Variants in KIAA1328 observed in about 807,000 individuals in gnomAD.
KIAA1328 encodes the protein protein hinderin.
Under a neutral mutation model 68.1 loss-of-function variants are expected in KIAA1328, and 52 were observed. The ratio of observed to expected loss-of-function variants is 0.76; its 90% CI spans 0.61 to 0.96. The LOEUF (loss-of-function observed/expected upper bound fraction) is 0.96. Among genes scored for constraint, KIAA1328 ranks in the 40% least tolerant of loss-of-function variants. The probability of loss-of-function intolerance (pLI) is 0.00; values close to 1 mark genes in which losing one functional copy is unlikely to be tolerated. For missense variants in KIAA1328, 641 were observed against 677.6 expected (o/e 0.95, Z 0.60); for synonymous variants, 232 against 239.4 (o/e 0.97, Z 0.28).
At chr18:37,011,980 T>A (rs1032811862) in intron 6 of KIAA1328, among the ~76,000 whole-genome samples, 8 of 152,118 alleles carry the variant, frequency 5.3e-5, no homozygotes, top group African/African-American at 1.9e-4. Context: ...AAGGCCGCAT[T>A]TTTAGTAATA....
chr18:36,837,591 G>A (rs1400872778), intron 3 of KIAA1328, among the ~76,000 whole-genome samples: 2 of 151,966 alleles, frequency 1.3e-5, no homozygotes, highest in African/African-American at 4.8e-5. Context: ...AAATTTTGAT[G>A]AAGTTCAGTT....
At chr18:37,084,831 C>T (rs528953760) in intron 7 of KIAA1328, among the ~76,000 whole-genome samples, 14 of 152,214 alleles carry the variant, frequency 9.2e-5, no homozygotes, top group Non-Finnish European at 1.8e-4. Flanking sequence ...CCTTGATTCA[C>T]ATTGCCAAAC....
At chr18:36,971,407 A>G (rs1280775091) in intron 6 of KIAA1328, among the ~76,000 whole-genome samples, 1 of 152,196 alleles carries the variant, frequency 6.6e-6, no homozygotes, top group Non-Finnish European at 1.5e-5. Context: ...AGGTCAGTGG[A>G]TCACCTGAGG....
chr18:37,072,368 A>C (rs993136157), intron 7 of KIAA1328, among the ~76,000 whole-genome samples: 2 of 150,952 alleles, frequency 1.3e-5, no homozygotes, highest in African/African-American at 4.9e-5. Flanking sequence ...TTCCACAGTC[A>C]TTTGCACTAT....
intron 7 of KIAA1328, among the ~76,000 whole-genome samples, chr18:37,147,555 G>A (rs2058929690): frequency 6.6e-6 from 1 of 152,076 alleles, no homozygotes; most frequent in Non-Finnish European, 1.5e-5. Context: ...CTTTGTGAGG[G>A]CAGATCTCTG....
At chr18:36,856,303 C>G (rs530744156) in intron 4 of KIAA1328, among the ~76,000 whole-genome samples, 70 of 152,058 alleles carry the variant, frequency 4.6e-4, no homozygotes, top group African/African-American at 1.7e-3. Context: ...TTTGTGACTT[C>G]CATTATATGC....
At chr18:37,078,368 T>C (rs1416524431) in intron 7 of KIAA1328, among the ~76,000 whole-genome samples, 14 of 151,814 alleles carry the variant, frequency 9.2e-5, no homozygotes, top group Middle Eastern at 3.4e-3. Context: ...CCTAAAACCA[T>C]AAAAACCCTA....
chr18:36,860,588 A>G (rs1239019551), intron 4 of KIAA1328, among the ~76,000 whole-genome samples: 1 of 152,146 alleles, frequency 6.6e-6, no homozygotes, highest in Non-Finnish European at 1.5e-5. Flanking sequence ...GTTAGAACAC[A>G]TGAGCCACAT....
intron 4 of KIAA1328, among the ~76,000 whole-genome samples, chr18:36,855,316 T>C (rs1252265100): frequency 6.6e-6 from 1 of 152,202 alleles, no homozygotes; most frequent in Non-Finnish European, 1.5e-5. Flanking sequence ...TTGCCAACAC[T>C]TGTTATTTTC....
At chr18:36,848,737 T>A in intron 4 of KIAA1328, among the ~76,000 whole-genome samples, 1 of 151,250 alleles carries the variant, frequency 6.6e-6, no homozygotes, top group East Asian at 1.9e-4. Context: ...TTTTTGTTTC[T>A]AGTTTATTGA....
chr18:37,217,741 T>A (rs1172413359), intron 9 of KIAA1328, among the ~76,000 whole-genome samples: 2 of 152,264 alleles, frequency 1.3e-5, no homozygotes, highest in Non-Finnish European at 2.9e-5. Context: ...GAAATTCACC[T>A]GCATAATATC....
At chr18:36,859,308 G>GTTTTC (rs1209220708) in intron 4 of KIAA1328, among the ~76,000 whole-genome samples, 4 of 149,744 alleles carry the variant, frequency 2.7e-5, no homozygotes, top group Non-Finnish European at 5.9e-5. Context: ...GCCTTGTTTT[G>GTTTTC]TTTTCTTATT....
rs919778999 is a variant in KIAA1328 at position 37,059,920 on chromosome 18, T to C, written c.577-6970T>C. Among the ~76,000 whole-genome samples, 7 of 150,272 alleles carry C rather than the reference T, an allele frequency of 4.7e-5. No homozygotes were observed. In the Admixed American group the frequency reaches 4.7e-4, roughly 10 times the overall value. On this transcript the variant is annotated intron_variant, in intron 6 of 9. Transcript: ENST00000280020. ...TGGATGAAGCTGGAAACCATCATTC[T>C]CAGCAAACTAACACAGGAACAGAAA...
At chr18:37,157,134 G>A (rs1222574169) in intron 7 of KIAA1328, among the ~76,000 whole-genome samples, 2 of 152,052 alleles carry the variant, frequency 1.3e-5, no homozygotes, top group African/African-American at 2.4e-5. Flanking sequence ...AAGAAGAAAG[G>A]CCTTTTGATT....
chr18:36,913,568 A>T (rs1048740168), intron 5 of KIAA1328, among the ~76,000 whole-genome samples: 7 of 147,678 alleles, frequency 4.7e-5, no homozygotes, highest in African/African-American at 1.8e-4. Context: ...ACACACACAC[A>T]CTACTTAGAG....
At chr18:36,982,834 T>C (rs1419291182) in intron 6 of KIAA1328, among the ~76,000 whole-genome samples, 1 of 151,968 alleles carries the variant, frequency 6.6e-6, no homozygotes, top group Non-Finnish European at 1.5e-5. Context: ...GTAAAATGTA[T>C]AAGAAATATT....
At chr18:36,937,983 A>T (rs2050568608) in intron 5 of KIAA1328, among the ~76,000 whole-genome samples, 2 of 152,012 alleles carry the variant, frequency 1.3e-5, no homozygotes, top group African/African-American at 2.4e-5. Context: ...TCTGTATAGT[A>T]TATATTTCTC....
chr18:37,159,203 G>T (rs149344035), intron 7 of KIAA1328, among the ~76,000 whole-genome samples: 147 of 152,172 alleles, frequency 9.7e-4, no homozygotes, highest in Non-Finnish European at 1.6e-3. Context: ...AGCAAACACT[G>T]CTAAAAATTC....
chr18:36,962,587 C>T (rs1056583639), intron 6 of KIAA1328, among the ~76,000 whole-genome samples: 1 of 152,120 alleles, frequency 6.6e-6, no homozygotes, highest in Admixed American at 6.6e-5. Flanking sequence ...CACTCCTCAG[C>T]AAATGTAACA....
Sources: gnomAD v4.1 joint callset for allele counts (sites outside exome capture counted in the v4.1 genomes callset) on GRCh38, gnomAD v4.1.1 for gene constraint, MANE v1.5 for transcripts, NCBI Gene and HGNC (gene_info 2026-07-23, HGNC 2026-07-21) for gene names.